COL5A1: variants seen among roughly 807,000 people sequenced by gnomAD.
The protein encoded by COL5A1 is collagen type V alpha 1 chain.
In COL5A1, 16 loss-of-function variants were observed where a neutral mutation model predicts 263.7. That is an observed-to-expected ratio of 0.06 (90% CI 0.04 to 0.09). The LOEUF (loss-of-function observed/expected upper bound fraction) is 0.09, where lower values mean the gene tolerates loss of function less well. COL5A1 is among the 10% of genes least tolerant of loss of function. COL5A1 has a pLI of 1.00. For missense variants in COL5A1, 2,036 were observed against 2,540.5 expected (o/e 0.80, Z 4.27); for synonymous variants, 1,012 against 1,004.5 (o/e 1.01, Z -0.14).
At position 134,730,319 on chromosome 9, in the gene COL5A1, G is replaced by A. The variant is rs2132639237; in HGVS notation, c.1008G>A (p.Gly336=). ...GAGKEEDVGI[G]DYDYVPSEDY... is the part of the protein sequence containing the mutation. Reference sequence around the variant, plus strand: ...GGAAGGAAGAGGACGTCGGCATCGGGGACTATGACTACGTGCCCAGTGAGG... The same window carrying A: ...GGAAGGAAGAGGACGTCGGCATCGGAGACTATGACTACGTGCCCAGTGAGG... The change falls in exon 7 of 66, where the codon GGG becomes GGA. Residue 336 remains glycine, a synonymous_variant. Transcript: ENST00000371817. 6.2e-7 allele frequency: 1 copy of A among 1,614,220 alleles called. No individual in the cohort carries two copies. Among genetic ancestry groups the A allele is most frequent in the Non-Finnish European group, 8.5e-7 (1 of 1,180,028 alleles).
At chr9:134,791,530 G>C (rs950194383) in intron 32 of COL5A1, among the ~76,000 whole-genome samples, 7 of 151,864 alleles carry the variant, frequency 4.6e-5, no homozygotes, top group Non-Finnish European at 7.4e-5. Context: ...ATGACGGAGA[G>C]TGTGGGTGCC....
intron 30 of COL5A1, among the ~76,000 whole-genome samples, 182 bp downstream of exon 30, chr9:134,785,278 G>A (rs1837415081): frequency 6.6e-6 from 1 of 152,136 alleles, no homozygotes; most frequent in Admixed American, 6.5e-5. Flanking sequence ...GTTGAATGAT[G>A]ACCCTTTCCT....
Position 134,768,592 on chromosome 9 carries a change from A to G in COL5A1, c.2286+129A>G, listed in dbSNP as rs1836763512. On this transcript the variant is annotated intron_variant, in intron 25 of 65. Coordinates refer to ENST00000371817, the MANE Select transcript of COL5A1 (RefSeq NM_000093.5). The stretch of plus-strand genomic sequence containing the variant: ...ACTCATTCTGGCTCTGTTGATGAAG[A>G]CCCGTTTGGTCTCCAGTTGGACTGC... The G allele has an allele frequency of 7.6e-6, 7 of 924,234 alleles. No homozygotes were observed. In the Admixed American group the frequency reaches 9.6e-5, roughly 13 times the overall value. 57.3% of individuals were successfully genotyped at this position (924,234 alleles called of 1,614,324 possible).
chr9:134,773,763 G>A (rs1364614434), intron 26 of COL5A1, among the ~76,000 whole-genome samples: 4 of 152,224 alleles, frequency 2.6e-5, no homozygotes, highest in African/African-American at 9.6e-5. Flanking sequence ...AATTTCCAGT[G>A]CCAGGCCTGC....
chr9:134,662,879 T>C (rs1832251824), intron 1 of COL5A1, among the ~76,000 whole-genome samples: 1 of 152,236 alleles, frequency 6.6e-6, no homozygotes, highest in Non-Finnish European at 1.5e-5. Flanking sequence ...AACCTGGGGC[T>C]GTTAGCTATA....
intron 1 of COL5A1, among the ~76,000 whole-genome samples, chr9:134,660,896 A>G (rs1024602317): frequency 1.3e-5 from 2 of 152,168 alleles, no homozygotes; most frequent in Non-Finnish European, 2.9e-5. Flanking sequence ...ACTGGGTTGA[A>G]TTGTGAGTGC....
intron 4 of COL5A1, chr9:134,708,419 C>CGG (rs35817169): frequency 0.016 from 5,798 of 369,296 alleles, 36 homozygotes; most frequent in Middle Eastern, 0.026. Flanking sequence ...GAGCAACTCC[C>CGG]GGGGTGGGGG....
chr9:134,795,404 T>C (rs1042411161), intron 34 of COL5A1, 89 bp downstream of exon 34: 2 of 1,054,578 alleles, frequency 1.9e-6, no homozygotes, highest in African/African-American at 1.6e-5. Flanking sequence ...GTCTGTGACC[T>C]TTTTTATTAA....
At chr9:134,693,893 G>C (rs1365985647) in intron 2 of COL5A1, among the ~76,000 whole-genome samples, 1 of 152,170 alleles carries the variant, frequency 6.6e-6, no homozygotes, top group African/African-American at 2.4e-5. Flanking sequence ...AGCCACTCGT[G>C]TGGGTCAGCC....
chr9:134,831,043 C>A (rs1839597666), intron 64 of COL5A1, among the ~76,000 whole-genome samples: 1 of 152,216 alleles, frequency 6.6e-6, no homozygotes, highest in South Asian at 2.1e-4. Context: ...AGTGGCCCCA[C>A]TCCCAGGTGG....
At chr9:134,831,957 G>A (rs1262122907) in intron 64 of COL5A1, among the ~76,000 whole-genome samples, 1 of 152,124 alleles carries the variant, frequency 6.6e-6, no homozygotes, top group Non-Finnish European at 1.5e-5. Flanking sequence ...GTAGATGGGG[G>A]CCTCTCAAAG....
At chr9:134,813,623 T>G (rs1588580318) in intron 48 of COL5A1, among the ~76,000 whole-genome samples, 1 of 152,370 alleles carries the variant, frequency 6.6e-6, no homozygotes, top group East Asian at 1.9e-4. Flanking sequence ...CCCTGAGGAC[T>G]GCGTGCCTGT....
chr9:134,738,705 G>A, intron 10 of COL5A1, 41 bp from the exon 11 acceptor site: 1 of 1,565,278 alleles, frequency 6.4e-7, no homozygotes, highest in Non-Finnish European at 8.8e-7. Flanking sequence ...TTGCCCTGCG[G>A]CCCCATCTTC....
At chr9:134,817,710 G>A in intron 53 of COL5A1, 68 bp from the exon 54 acceptor site, 2 of 1,451,382 alleles carry the variant, frequency 1.4e-6, no homozygotes, top group Non-Finnish European at 1.9e-6. Context: ...CTGAGCGCCT[G>A]CACCCGAGCT....
rs943193751 is a variant in COL5A1 at position 134,757,402 on chromosome 9, C to A, written c.1881+584C>A. Among the ~76,000 whole-genome samples the A allele has an allele frequency of 2.0e-5, 3 of 152,132 alleles. No individual in the cohort carries two copies. The highest frequency in any genetic ancestry group is 4.4e-5 in the Non-Finnish European group (3 of 68,016). On this transcript the variant is annotated intron_variant, in intron 17 of 65. Coordinates refer to ENST00000371817, the MANE Select transcript of COL5A1 (RefSeq NM_000093.5). The surrounding 1 kb of genome is among the most constrained non-coding windows in gnomAD (Gnocchi z 6.2). ...GCCTCTTGGAAGCATTTGTCCCAGG[C>A]CACGGGGGGCAGGGGAGATACTGAC... is the stretch of plus-strand genomic sequence containing the variant.
At chr9:134,777,754 G>C (rs766973544) in intron 27 of COL5A1, among the ~76,000 whole-genome samples, 1 of 152,200 alleles carries the variant, frequency 6.6e-6, no homozygotes, top group Non-Finnish European at 1.5e-5. Flanking sequence ...AGGGAGGAGA[G>C]CTGGTGCCAA....
chr9:134,762,284 G>A (rs943400765), intron 19 of COL5A1, among the ~76,000 whole-genome samples: 4 of 152,254 alleles, frequency 2.6e-5, no homozygotes, highest in African/African-American at 9.6e-5. Context: ...CCACTGGGAG[G>A]AAAGGTGGCC....
intron 29 of COL5A1, among the ~76,000 whole-genome samples, chr9:134,783,025 G>T (rs1191080035): frequency 1.3e-5 from 2 of 152,260 alleles, no homozygotes; most frequent in South Asian, 2.1e-4. Flanking sequence ...GACTGCACCT[G>T]TGGACTGCAG....
rs142547185 is a variant in COL5A1 at position 134,830,736 on chromosome 9, A to G, written c.5136+692A>G. On this transcript the variant is annotated intron_variant, in intron 64 of 65. Coordinates refer to ENST00000371817, the MANE Select transcript of COL5A1 (RefSeq NM_000093.5). ...TTGGGGATCGAGTCTTACAGAATCC[A>G]TCCCTGAAAGGAAACGACATTGGCC... 5.3e-3 allele frequency among the ~76,000 whole-genome samples: 805 copies of G among 152,320 alleles called. 2 individuals are homozygous for G. Among genetic ancestry groups the G allele is most frequent in the Non-Finnish European group, 8.9e-3 (603 of 68,034 alleles).
Sources: gnomAD v4.1 joint callset for allele counts (sites outside exome capture counted in the v4.1 genomes callset) on GRCh38, gnomAD v4.1.1 for gene constraint, Gnocchi (gnomAD v3.1) non-coding constraint, MANE v1.5 for transcripts, NCBI Gene and HGNC (gene_info 2026-07-23, HGNC 2026-07-21) for gene names.